Variants in DTX2 observed in about 807,000 individuals in gnomAD.
The protein encoded by DTX2 is probable E3 ubiquitin-protein ligase DTX2.
In DTX2, 29 loss-of-function variants were observed where a neutral mutation model predicts 55.3. That is an observed-to-expected ratio of 0.52 (90% CI 0.39 to 0.71). DTX2 has a LOEUF of 0.71. Ranked by LOEUF, DTX2 falls within the 30% of genes least tolerant of loss-of-function variation. The pLI, the probability that DTX2 is intolerant of heterozygous loss-of-function variation, is 0.00. For missense variants in DTX2, 537 were observed against 822.5 expected, an observed-to-expected ratio of 0.65 and a Z score of 4.25; for synonymous variants, 276 against 340.4, an observed-to-expected ratio of 0.81 and a Z score of 2.08.
chr7:76,503,877 G>A (rs1812024674), intron 9 of DTX2, among the ~76,000 whole-genome samples: 1 of 149,104 alleles, frequency 6.7e-6, no homozygotes, highest in East Asian at 2.1e-4. Context: ...CTGGGCAGAA[G>A]GGCAGGCAGT....
intron 3 of DTX2, among the ~76,000 whole-genome samples, chr7:76,480,980 G>A (rs1269144720): frequency 6.6e-6 from 1 of 152,192 alleles, no homozygotes; most frequent in African/African-American, 2.4e-5. Context: ...ACTGTGGGAG[G>A]CCCTTCCCCT....
intron 5 of DTX2, among the ~76,000 whole-genome samples, chr7:76,495,541 G>A (rs1810840055): frequency 6.6e-6 from 1 of 151,530 alleles, no homozygotes; most frequent in South Asian, 2.1e-4. Flanking sequence ...GAATTCAGGG[G>A]AGTGGGTCCT....
Position 76,505,317 on chromosome 7 carries a change from G to A in DTX2, c.1642-57G>A. Reference sequence around the variant, plus strand: ...TGGTGCCAACCCGTGCCTGCTCACTGAGCCCCTCTCACTCTCCGTCCCCTC... The same window carrying A: ...TGGTGCCAACCCGTGCCTGCTCACTAAGCCCCTCTCACTCTCCGTCCCCTC... On this transcript the variant is annotated intron_variant, in intron 10 of 10. Transcript: ENST00000430490. The surrounding 1 kb of genome is among the most constrained non-coding windows in gnomAD (Gnocchi z 4.4). 7.0e-7 allele frequency: 1 copy of A among 1,432,354 alleles called. No individual in the cohort carries two copies. Among genetic ancestry groups the A allele is most frequent in the Non-Finnish European group, 9.6e-7 (1 of 1,047,086 alleles). The allele number at this position is 1,432,354 out of a possible 1,614,324, so 88.7% of individuals were successfully genotyped here.
intron 8 of DTX2, 63 bp downstream of exon 8, chr7:76,502,519 G>C: frequency 6.4e-7 from 1 of 1,558,532 alleles, no homozygotes; most frequent in Non-Finnish European, 8.7e-7. Context: ...GCTGTCCCCT[G>C]CAGGGGCGGG....
intron 10 of DTX2, among the ~76,000 whole-genome samples, 200 bp downstream of exon 10, chr7:76,504,645 G>GC (rs1192768467): frequency 6.6e-6 from 1 of 152,194 alleles, no homozygotes; most frequent in East Asian, 1.9e-4. Context: ...AGGAGGAGAG[G>GC]CCATCACCTT....
intron 2 of DTX2, among the ~76,000 whole-genome samples, chr7:76,468,995 C>A (rs1222954550): frequency 8.6e-6 from 1 of 115,682 alleles, no homozygotes; most frequent in Non-Finnish European, 1.8e-5. Context: ...AAACTCCTGG[C>A]CTCAAATGAT....
intron 9 of DTX2, among the ~76,000 whole-genome samples, chr7:76,504,110 C>CA (rs3214352): frequency 2.2e-5 from 3 of 135,404 alleles, no homozygotes; most frequent in African/African-American, 5.3e-5. Flanking sequence ...GGGAAGATAA[C>CA]GGGGCAGCAG....
At chr7:76,465,012 A>C in intron 2 of DTX2, among the ~76,000 whole-genome samples, 1 of 150,546 alleles carries the variant, frequency 6.6e-6, no homozygotes, top group Non-Finnish European at 1.5e-5. Flanking sequence ...ATCTCAGCTC[A>C]CTGCTCAACT....
At chr7:76,471,537 T>G (rs1807924862) in intron 2 of DTX2, among the ~76,000 whole-genome samples, 1 of 149,630 alleles carries the variant, frequency 6.7e-6, no homozygotes, top group Non-Finnish European at 1.5e-5. Context: ...GTTATTTATT[T>G]TTTTTTAAAG....
At chr7:76,468,739 G>A (rs1199101982) in intron 2 of DTX2, among the ~76,000 whole-genome samples, 8 of 60,784 alleles carry the variant, frequency 1.3e-4, no homozygotes, top group Non-Finnish European at 2.0e-4. Flanking sequence ...GATTATAGGC[G>A]TGAGCCACCA....
intron 4 of DTX2, among the ~76,000 whole-genome samples, chr7:76,489,855 C>G (rs529463012): frequency 7.3e-6 from 1 of 137,232 alleles, no homozygotes; most frequent in South Asian, 2.7e-4. Flanking sequence ...GTGACTTGAA[C>G]ATAATCATTG....
intron 4 of DTX2, among the ~76,000 whole-genome samples, chr7:76,483,707 A>T (rs1563739257): frequency 6.6e-6 from 1 of 151,130 alleles, no homozygotes; most frequent in African/African-American, 2.4e-5. Flanking sequence ...GCTCCTTGAG[A>T]GAGAGAGAAT....
chr7:76,480,286 G>C lies in DTX2; in HGVS notation c.-89-135G>C, dbSNP rs1241951944. On this transcript the variant is annotated intron_variant, in intron 2 of 10. Coordinates refer to ENST00000430490, the MANE Select transcript of DTX2 (RefSeq NM_001102594.3). The stretch of plus-strand genomic sequence containing the variant: ...CACTGCTGCACTGTAGCCTGGGTGA[G>C]AGAGTGAGACCCTGTAACCAAAAAA... 22 of 519,604 alleles carry C rather than the reference G, an allele frequency of 4.2e-5. No homozygotes were observed. In the Admixed American group the frequency reaches 8.3e-4, roughly 20 times the overall value. The allele number at this position is 519,604 out of a possible 1,614,324, so 32.2% of individuals were successfully genotyped here.
intron 3 of DTX2, 121 bp downstream of exon 3, chr7:76,480,898 C>G (rs1373797496): frequency 8.3e-7 from 1 of 1,199,002 alleles, no homozygotes; most frequent in Admixed American, 2.9e-5. Flanking sequence ...CCCTGCAGCA[C>G]ACGTGGTGGT....
At position 76,480,414 on chromosome 7, in the gene DTX2, T is replaced by C; in HGVS notation, c.-89-7T>C. 1 of 1,341,510 alleles carries C rather than the reference T, an allele frequency of 7.5e-7. No homozygotes were observed. The highest frequency in any genetic ancestry group is 1.0e-6 in the Non-Finnish European group (1 of 995,340). The allele number at this position is 1,341,510 out of a possible 1,614,324, so 83.1% of individuals were successfully genotyped here. ...TTGGTAACTGCTCATGTCTGTCCTG[T>C]TCACAGATCTGCCGGAGGCGCTGGG... is the stretch of plus-strand genomic sequence containing the variant. On this transcript the variant is annotated splice_polypyrimidine_tract_variant and splice_region_variant and intron_variant, in intron 2 of 10. Coordinates refer to ENST00000430490, the MANE Select transcript of DTX2 (RefSeq NM_001102594.3).
In DTX2 at chr7:76,505,538, G is replaced by T. The variant is rs760402246; in HGVS notation, c.1806G>T (p.Leu602=). The part of the protein sequence containing the change: ...TGHGYPDPNY[L]QNVLAELAAQ... ...ACGGCTATCCCGACCCCAACTACCT[G>T]CAGAACGTGCTGGCTGAGCTGGCTG... The change falls in exon 11 of 11, where the codon CTG becomes CTT. Residue 602 remains leucine (L), a synonymous_variant. Transcript: ENST00000430490. This position sits in a 1 kb window ranked among gnomAD's most constrained non-coding sequence, Gnocchi z 4.4. 2 of 1,608,314 alleles carry T rather than the reference G, an allele frequency of 1.2e-6. No homozygotes were observed. The highest frequency in any genetic ancestry group is 1.1e-5 in the South Asian group (1 of 90,002).
At chr7:76,486,883 G>T (rs2539643) in intron 4 of DTX2, among the ~76,000 whole-genome samples, 4,131 of 102,480 alleles carry the variant, frequency 0.04, 8 homozygotes, top group African/African-American at 0.14. Context: ...TGCTGCTGCT[G>T]CTGCCCTTGC....
At chr7:76,490,731 T>C (rs1400209260) in intron 4 of DTX2, among the ~76,000 whole-genome samples, 11 of 107,136 alleles carry the variant, frequency 1.0e-4, no homozygotes, top group South Asian at 3.8e-4. Flanking sequence ...CCTCAGCCTC[T>C]CAAGTAGCTG....
chr7:76,463,318 G>T (rs1806808766), intron 1 of DTX2: 1 of 151,784 alleles, frequency 6.6e-6, no homozygotes, highest in African/African-American at 2.4e-5. Context: ...AAGAGCTCAG[G>T]GTTTTTTTGT....
Sources: gnomAD v4.1 joint callset for allele counts (sites outside exome capture counted in the v4.1 genomes callset) on GRCh38, gnomAD v4.1.1 for gene constraint, Gnocchi (gnomAD v3.1) non-coding constraint, MANE v1.5 for transcripts, NCBI Gene and HGNC (gene_info 2026-07-23, HGNC 2026-07-21) for gene names.